The following ANKS1B variants were observed in gnomAD, a reference collection of about 807,000 sequenced individuals.
The protein encoded by ANKS1B is ankyrin repeat and sterile alpha motif domain-containing protein 1B.
A neutral mutation model predicts 148.3 loss-of-function variants in ANKS1B; 36 were observed. That is an observed-to-expected ratio of 0.24 (90% CI 0.19 to 0.32). The LOEUF (loss-of-function observed/expected upper bound fraction) is 0.32, where lower values mean the gene tolerates loss of function less well. ANKS1B is among the 10% of genes least tolerant of loss of function. The probability of loss-of-function intolerance (pLI) is 1.00; values close to 1 mark genes in which losing one functional copy is unlikely to be tolerated. For missense variants in ANKS1B, 1,157 were observed against 1,542.6 expected (o/e 0.75, Z 4.19); for synonymous variants, 542 against 560.8 (o/e 0.97, Z 0.47).
chr12:99,346,707 T>C (rs1421407473), intron 12 of ANKS1B, among the ~76,000 whole-genome samples: 3 of 151,944 alleles, frequency 2.0e-5, no homozygotes, highest in East Asian at 1.9e-4. Context: ...AATTCTGGGA[T>C]GTTATTAGAT....
intron 8 of ANKS1B, among the ~76,000 whole-genome samples, chr12:99,711,568 T>C (rs1014517841): frequency 6.6e-5 from 10 of 152,098 alleles, no homozygotes; most frequent in Admixed American, 3.9e-4. Flanking sequence ...AAAGAAGATA[T>C]ACCTGTGGCC....
chr12:99,083,617 AAT>A (rs1172064518), intron 16 of ANKS1B, among the ~76,000 whole-genome samples: 2 of 152,174 alleles, frequency 1.3e-5, no homozygotes, highest in Admixed American at 6.5e-5. Flanking sequence ...GAATTGCATG[AAT>A]ATGTTATGAA....
At chr12:98,808,301 C>T (rs1201805266) in intron 19 of ANKS1B, among the ~76,000 whole-genome samples, 1 of 152,168 alleles carries the variant, frequency 6.6e-6, no homozygotes, top group African/African-American at 2.4e-5. Context: ...ACCTTTAACA[C>T]AGGTCCGATA....
intron 14 of ANKS1B, among the ~76,000 whole-genome samples, chr12:99,229,882 G>A (rs150526945): frequency 4.6e-5 from 7 of 152,048 alleles, no homozygotes; most frequent in African/African-American, 1.7e-4. Flanking sequence ...TTGTGAATGT[G>A]CAAGGGGTAT....
At chr12:99,614,015 C>A (rs1397350228) in intron 9 of ANKS1B, among the ~76,000 whole-genome samples, 1 of 151,910 alleles carries the variant, frequency 6.6e-6, no homozygotes, top group Non-Finnish European at 1.5e-5. Context: ...TCTTTGATTC[C>A]TAATTTTTTT....
intron 4 of ANKS1B, among the ~76,000 whole-genome samples, chr12:99,803,377 T>C (rs933430880): frequency 1.4e-5 from 2 of 140,470 alleles, no homozygotes; most frequent in African/African-American, 5.3e-5. Context: ...TAAGGCTAAA[T>C]ATATTATGGA....
At chr12:99,793,097 G>T (rs1378890577) in intron 4 of ANKS1B, among the ~76,000 whole-genome samples, 1 of 151,784 alleles carries the variant, frequency 6.6e-6, no homozygotes, top group Non-Finnish European at 1.5e-5. Context: ...ATTTACAGTA[G>T]CCACACATAA....
chr12:99,876,743 A>G (rs894803953), intron 1 of ANKS1B, among the ~76,000 whole-genome samples: 9 of 150,352 alleles, frequency 6.0e-5, no homozygotes, highest in African/African-American at 7.3e-5. Flanking sequence ...AAAAAAAAAA[A>G]AGAGAGAGAG....
At chr12:99,935,090 A>G (rs2094725914) in intron 1 of ANKS1B, among the ~76,000 whole-genome samples, 1 of 152,196 alleles carries the variant, frequency 6.6e-6, no homozygotes. Flanking sequence ...CTTTTACAAA[A>G]CAAAGTTAAA....
At chr12:99,529,831 T>C (rs973471682) in intron 9 of ANKS1B, among the ~76,000 whole-genome samples, 41 of 151,478 alleles carry the variant, frequency 2.7e-4, no homozygotes, top group Non-Finnish European at 1.0e-4. Flanking sequence ...TTTAGCTCCA[T>C]TTTAACCAGG....
At chr12:98,753,135 G>A (rs2153406198) in intron 25 of ANKS1B, among the ~76,000 whole-genome samples, 1 of 152,314 alleles carries the variant, frequency 6.6e-6, no homozygotes, top group Admixed American at 6.5e-5. Context: ...AGCAGCGCCT[G>A]GGAGAAAAGT....
At chr12:99,012,728 C>T (rs1523101) in intron 17 of ANKS1B, among the ~76,000 whole-genome samples, 44,053 of 151,906 alleles carry the variant, frequency 0.29, 7,025 homozygotes, top group African/African-American at 0.42. Context: ...GAACCACTGA[C>T]TTTGCTTATA....
intron 8 of ANKS1B, among the ~76,000 whole-genome samples, chr12:99,762,156 A>G (rs368183150): frequency 2.8e-4 from 42 of 152,222 alleles, no homozygotes; most frequent in African/African-American, 9.9e-4. Flanking sequence ...TATTCTTATT[A>G]AAGTACCAAT....
chr12:98,931,653 T>A (rs769188194), intron 17 of ANKS1B: 8 of 152,206 alleles, frequency 5.3e-5, no homozygotes, highest in Non-Finnish European at 1.2e-4. Flanking sequence ...GGACTCAAAC[T>A]TATGTTGTCA....
chr12:98,975,196 CCT>C (rs1237177224), intron 17 of ANKS1B, among the ~76,000 whole-genome samples: 8 of 136,196 alleles, frequency 5.9e-5, no homozygotes, highest in Admixed American at 5.1e-4. Context: ...CCTCTTCCTT[CCT>C]CTTTCTTCCT....
rs397850118 is a variant in ANKS1B, at chr12:98,802,594, CTTTTTTTTTTTTTTTTTTTT to C, written c.3142-1489_3142-1470del. Among the ~76,000 whole-genome samples, 12 of 34,790 alleles carry C rather than the reference CTTTTTTTTTTTTTTTTTTTT, an allele frequency of 3.4e-4. No homozygotes were observed. The South Asian group carries it at 7.6e-3, about 22-fold the overall frequency. 22.8% of individuals were successfully genotyped at this position (34,790 alleles called of 152,430 possible). On this transcript the variant is annotated intron_variant, in intron 20 of 26. Transcript: ENST00000683438. The stretch of plus-strand genomic sequence containing the variant: ...CTAGAGGACTTCAGTAATGCACAGG[CTTTTTTTTTTTTTTTTTTTT>C]TTTTTTTTTTTTTTTTTAGCAGTGG...
At chr12:99,533,515 G>C (rs1366432419) in intron 9 of ANKS1B, among the ~76,000 whole-genome samples, 1 of 152,054 alleles carries the variant, frequency 6.6e-6, no homozygotes, top group Non-Finnish European at 1.5e-5. Flanking sequence ...TTTCCAATTT[G>C]GATGTTCTTT....
chr12:98,845,641 T>C (rs974855480), intron 17 of ANKS1B, among the ~76,000 whole-genome samples: 1 of 152,062 alleles, frequency 6.6e-6, no homozygotes, highest in African/African-American at 2.4e-5. Flanking sequence ...GAAGAGGAAG[T>C]CCAGCCTGGA....
In ANKS1B at chr12:99,826,095, A is replaced by G. The variant is rs78710878; in HGVS notation, c.135-706T>C. Among the ~76,000 whole-genome samples the G allele has an allele frequency of 7.9e-3, 1,203 of 152,300 alleles. 16 individuals are homozygous for G. Among genetic ancestry groups the G allele is most frequent in the African/African-American group, 0.027 (1,137 of 41,550 alleles). On this transcript the variant is annotated intron_variant, in intron 1 of 26. Transcript: ENST00000683438. The stretch of plus-strand genomic sequence containing the variant: ...ATAAGGCACTGAAAGACACTTTTCC[A>G]AAAATAGAACAAAAAATTGCTTTAT...
Sources: allele counts gnomAD v4.1 joint callset (sites outside exome capture counted in the v4.1 genomes callset), GRCh38; gene constraint gnomAD v4.1.1; transcripts MANE v1.5; gene names NCBI Gene and HGNC (gene_info 2026-07-23, HGNC 2026-07-21).